The following ARHGAP42 variants were observed in gnomAD, a reference collection of about 807,000 sequenced individuals.
The protein encoded by ARHGAP42 is rho GTPase-activating protein 42.
ARHGAP42 carries 63 observed loss-of-function variants against 125.0 expected under a neutral mutation model. The ratio of observed to expected loss-of-function variants is 0.50; its 90% CI spans 0.41 to 0.62. ARHGAP42 has a LOEUF of 0.62. ARHGAP42 is among the 20% of genes least tolerant of loss of function. The pLI, the probability that ARHGAP42 is intolerant of heterozygous loss-of-function variation, is 0.00. For missense variants in ARHGAP42, 766 were observed against 1,024.2 expected, an observed-to-expected ratio of 0.75 and a Z score of 3.44; for synonymous variants, 339 against 351.0, an observed-to-expected ratio of 0.97 and a Z score of 0.38.
intron 6 of ARHGAP42, among the ~76,000 whole-genome samples, chr11:100,931,651 A>G (rs529907253): frequency 2.0e-5 from 3 of 152,328 alleles, no homozygotes; most frequent in East Asian, 3.9e-4. Context: ...ACATGAAACA[A>G]TACTTCCTTA....
chr11:100,808,909 G>C (rs768037380), intron 3 of ARHGAP42, among the ~76,000 whole-genome samples: 5 of 152,104 alleles, frequency 3.3e-5, no homozygotes, highest in Non-Finnish European at 7.4e-5. Flanking sequence ...CTAACTCTTA[G>C]GGGTTCTTAT....
intron 3 of ARHGAP42, among the ~76,000 whole-genome samples, chr11:100,853,497 G>A (rs1244482793): frequency 1.3e-5 from 2 of 152,094 alleles, no homozygotes; most frequent in Non-Finnish European, 2.9e-5. Context: ...ACAAGAAGAA[G>A]GATACAATAA....
At chr11:100,925,873 A>C (rs1867406644) in intron 6 of ARHGAP42, among the ~76,000 whole-genome samples, 1 of 151,942 alleles carries the variant, frequency 6.6e-6, no homozygotes, top group South Asian at 2.1e-4. Context: ...GTGTAGGTCT[A>C]TGATGGGGGA....
intron 3 of ARHGAP42, among the ~76,000 whole-genome samples, chr11:100,824,697 T>G (rs1050022556): frequency 6.6e-6 from 1 of 152,200 alleles, no homozygotes; most frequent in African/African-American, 2.4e-5. Context: ...AGATTTAATC[T>G]TGGAGTCCAT....
chr11:100,855,104 G>A (rs12295392), intron 3 of ARHGAP42, among the ~76,000 whole-genome samples: 40,270 of 152,000 alleles, frequency 0.26, 5,730 homozygotes, highest in South Asian at 0.47. Context: ...GTTGTAAATA[G>A]TGTAGCGTAT....
At chr11:100,945,306 C>G (rs888859473) in intron 10 of ARHGAP42, among the ~76,000 whole-genome samples, 1 of 144,350 alleles carries the variant, frequency 6.9e-6, no homozygotes. Flanking sequence ...TCTTGAACCC[C>G]TCCAACTCAT....
At chr11:100,875,977 A>G (rs1865815934) in intron 4 of ARHGAP42, among the ~76,000 whole-genome samples, 1 of 152,040 alleles carries the variant, frequency 6.6e-6, no homozygotes, top group African/African-American at 2.4e-5. Context: ...TGTGTAGGAG[A>G]GCATGTGGCC....
chr11:100,763,301 G>A (rs1360354509), intron 1 of ARHGAP42, among the ~76,000 whole-genome samples: 2 of 151,528 alleles, frequency 1.3e-5, no homozygotes, highest in Non-Finnish European at 2.9e-5. Flanking sequence ...AATTCTTAAT[G>A]TTAAGAATGT....
At chr11:100,735,602 C>CTTTTTTTTTTTT (rs58522622) in intron 1 of ARHGAP42, among the ~76,000 whole-genome samples, 1 of 73,064 alleles carries the variant, frequency 1.4e-5, no homozygotes, top group Non-Finnish European at 2.4e-5. Context: ...TTTACTTGTA[C>CTTTTTTTTTTTT]TTTTTTTTTT....
intron 1 of ARHGAP42, among the ~76,000 whole-genome samples, chr11:100,706,764 T>C (rs1861487516): frequency 6.6e-6 from 1 of 152,188 alleles, no homozygotes; most frequent in Admixed American, 6.5e-5. Flanking sequence ...TAAGATATAA[T>C]TCACTGCCAT....
At chr11:100,762,620 C>G (rs1430490515) in intron 1 of ARHGAP42, among the ~76,000 whole-genome samples, 1 of 152,082 alleles carries the variant, frequency 6.6e-6, no homozygotes, top group African/African-American at 2.4e-5. Flanking sequence ...GTATATAAAA[C>G]AGAAAATAGC....
At chr11:100,818,353 C>T (rs895782444) in intron 3 of ARHGAP42, among the ~76,000 whole-genome samples, 10 of 152,076 alleles carry the variant, frequency 6.6e-5, no homozygotes, top group African/African-American at 1.7e-4. Flanking sequence ...GAGTTATTGA[C>T]GGAGATGCAT....
rs997621292 is a variant in ARHGAP42, at chr11:100,933,226, C to T, written c.668C>T (p.Pro223Leu). The change falls in exon 7 of 24, where the codon CCG becomes CTG. Residue 223 changes from proline (P) to leucine (L), a missense_variant. Pro to Leu is a moderately conservative substitution (Grantham distance 98). Transcript: ENST00000298815. ...EGYELAQEFA[P>L]YKQQLQFNLQ... is the part of the protein sequence containing the mutation. ...TATGAACTTGCCCAGGAATTTGCAC[C>T]GTATAAGCAACAGCTGCAGTTCAAC... The T allele has an allele frequency of 3.9e-6, 6 of 1,550,668 alleles. No homozygotes were observed. Among genetic ancestry groups the T allele is most frequent in the Non-Finnish European group, 4.4e-6 (5 of 1,146,524 alleles).
chr11:100,960,309 T>C (rs1032950042), intron 13 of ARHGAP42, among the ~76,000 whole-genome samples: 1 of 152,026 alleles, frequency 6.6e-6, no homozygotes, highest in Non-Finnish European at 1.5e-5. Flanking sequence ...TTATAGTCTT[T>C]CTTTTACTGA....
intron 3 of ARHGAP42, among the ~76,000 whole-genome samples, chr11:100,801,000 A>T (rs1199875653): frequency 6.6e-6 from 1 of 152,174 alleles, no homozygotes; most frequent in African/African-American, 2.4e-5. Context: ...TTCAGATTTT[A>T]AAAAATTTGG....
intron 1 of ARHGAP42, among the ~76,000 whole-genome samples, chr11:100,699,480 GTATATATATATATA>G (rs36193705): frequency 2.4e-5 from 1 of 41,458 alleles, no homozygotes; most frequent in African/African-American, 7.9e-5. Context: ...ATTTATTCAT[GTATATATATATATA>G]TATATATATA....
intron 3 of ARHGAP42, among the ~76,000 whole-genome samples, chr11:100,830,989 GA>G (rs1864651436): frequency 6.6e-6 from 1 of 151,408 alleles, no homozygotes; most frequent in South Asian, 2.1e-4. Flanking sequence ...GGTCAAAGTT[GA>G]AAAAAAAGTA....
rs1226883286 is a variant in ARHGAP42 at position 100,933,190 on chromosome 11, A to G, written c.632A>G (p.Tyr211Cys). The change falls in exon 7 of 24, where the codon TAC (tyrosine) becomes TGC (cysteine). Residue 211 changes from tyrosine (Y) to cysteine (C), a missense_variant. Tyr to Cys is a radical substitution (Grantham distance 194). Transcript: ENST00000298815. ...TTTCTTCAGGGCTTATTTACTTTTT[A>G]CCATGAGGGATATGAACTTGCCCAG... is the stretch of plus-strand genomic sequence containing the variant. ...LSFLQGLFTFYHEGYELAQEF... is the reference protein window; with the variant it reads ...LSFLQGLFTFCHEGYELAQEF... 2 of 1,550,208 alleles carry G rather than the reference A, an allele frequency of 1.3e-6. No homozygotes were observed. The highest frequency in any genetic ancestry group is 1.7e-6 in the Non-Finnish European group (2 of 1,146,720).
intron 3 of ARHGAP42, among the ~76,000 whole-genome samples, chr11:100,819,291 G>A (rs1864350292): frequency 6.6e-6 from 1 of 152,142 alleles, no homozygotes. Context: ...GAACTCATGG[G>A]TCCTAAATGA....
Sources: allele counts gnomAD v4.1 joint callset (sites outside exome capture counted in the v4.1 genomes callset), GRCh38; gene constraint gnomAD v4.1.1; transcripts MANE v1.5; gene names NCBI Gene and HGNC (gene_info 2026-07-23, HGNC 2026-07-21).